EEFSEC: variants seen among roughly 807,000 people sequenced by gnomAD.
EEFSEC encodes the protein selenocysteine-specific elongation factor.
EEFSEC carries 43 observed loss-of-function variants against 42.1 expected under a neutral mutation model. The ratio of observed to expected loss-of-function variants is 1.02; its 90% confidence interval spans 0.80 to 1.32. The LOEUF (loss-of-function observed/expected upper bound fraction) is 1.32. EEFSEC is among the 40% of genes most tolerant of loss of function. EEFSEC has a pLI of 0.00. For missense variants in EEFSEC, 745 were observed against 803.6 expected (o/e 0.93, Z 0.88); for synonymous variants, 354 against 339.1 (o/e 1.04, Z -0.48).
At chr3:128,259,075 C>A (rs1026789023) in intron 2 of EEFSEC, among the ~76,000 whole-genome samples, 1 of 152,152 alleles carries the variant, frequency 6.6e-6, no homozygotes, top group African/African-American at 2.4e-5. Flanking sequence ...AGAATAATAC[C>A]CACCTTTCAG....
intron 6 of EEFSEC, among the ~76,000 whole-genome samples, chr3:128,394,708 A>G (rs115087477): frequency 0.018 from 2,689 of 152,214 alleles, 71 homozygotes; most frequent in African/African-American, 0.06. Flanking sequence ...TGCTCCCCCA[A>G]TGGCCAGCCT....
chr3:128,249,784 G>A (rs1302186534), intron 2 of EEFSEC, among the ~76,000 whole-genome samples: 1 of 152,106 alleles, frequency 6.6e-6, no homozygotes, highest in African/African-American at 2.4e-5. Flanking sequence ...TTTTGTGGTT[G>A]CATAGTGTTT....
chr3:128,380,013 G>A (rs1239472594), intron 6 of EEFSEC, among the ~76,000 whole-genome samples: 1 of 152,246 alleles, frequency 6.6e-6, no homozygotes, highest in African/African-American at 2.4e-5. Flanking sequence ...TTCTGAGGCT[G>A]GCATGTAAGG....
At chr3:128,416,179 G>A in the EEFSEC span, among the ~76,000 whole-genome samples, 28 of 152,124 alleles carry the variant, frequency 1.8e-4, no homozygotes, top group African/African-American at 6.8e-4. Flanking sequence ...TGGGGGAGGG[G>A]CCCACCGGAG....
chr3:128,420,646 A>G, the EEFSEC span, among the ~76,000 whole-genome samples: 5 of 151,766 alleles, frequency 3.3e-5, no homozygotes, highest in East Asian at 7.8e-4. Flanking sequence ...CCTGGGAAGG[A>G]CTCCCCAGTT....
At chr3:128,334,866 GGCA>G (rs894692718) in intron 4 of EEFSEC, among the ~76,000 whole-genome samples, 1 of 152,182 alleles carries the variant, frequency 6.6e-6, no homozygotes, top group Admixed American at 6.5e-5. Context: ...GGTGGTATAG[GGCA>G]GCAGCACCTC....
At chr3:128,210,099 G>A (rs1022308758) in intron 1 of EEFSEC, among the ~76,000 whole-genome samples, 2 of 152,108 alleles carry the variant, frequency 1.3e-5, no homozygotes, top group African/African-American at 2.4e-5. Flanking sequence ...CATTGTTTAA[G>A]AAAAAAAGAA....
At chr3:128,313,947 T>C (rs1482927428) in intron 4 of EEFSEC, among the ~76,000 whole-genome samples, 1 of 152,202 alleles carries the variant, frequency 6.6e-6, no homozygotes, top group African/African-American at 2.4e-5. Context: ...ATGTGGAAGC[T>C]TATGTATCTC....
At chr3:128,270,727 G>A (rs1393758899) in intron 4 of EEFSEC, among the ~76,000 whole-genome samples, 2 of 152,176 alleles carry the variant, frequency 1.3e-5, no homozygotes, top group African/African-American at 2.4e-5. Flanking sequence ...CTCCAGCAAC[G>A]CTGTGCACTC....
chr3:128,179,008 G>A (rs1385480296), intron 1 of EEFSEC, among the ~76,000 whole-genome samples: 3 of 152,190 alleles, frequency 2.0e-5, no homozygotes, highest in Non-Finnish European at 4.4e-5. Flanking sequence ...TTTTTTTACT[G>A]TGATTGTAGG....
intron 4 of EEFSEC, among the ~76,000 whole-genome samples, chr3:128,301,199 G>T (rs896528046): frequency 1.3e-5 from 2 of 152,298 alleles, no homozygotes. Context: ...GAAGCAGCCA[G>T]TGAAGCCGTG....
intron 4 of EEFSEC, among the ~76,000 whole-genome samples, chr3:128,329,000 G>A (rs2067095737): frequency 6.6e-6 from 1 of 152,170 alleles, no homozygotes; most frequent in Non-Finnish European, 1.5e-5. Context: ...GGATGACTGA[G>A]TCCCAGTGTG....
intron 1 of EEFSEC, among the ~76,000 whole-genome samples, chr3:128,205,867 C>T (rs1646180644): frequency 6.6e-6 from 1 of 152,182 alleles, no homozygotes; most frequent in Non-Finnish European, 1.5e-5. Flanking sequence ...TTCTTTAGTG[C>T]ATTACAATTA....
chr3:128,402,914 A>G (rs1455745764), intron 6 of EEFSEC, among the ~76,000 whole-genome samples: 1 of 152,240 alleles, frequency 6.6e-6, no homozygotes, highest in Non-Finnish European at 1.5e-5. Flanking sequence ...AACAGTGAAT[A>G]GACAAAACTC....
intron 4 of EEFSEC, among the ~76,000 whole-genome samples, chr3:128,295,596 T>A (rs2066696298): frequency 7.1e-6 from 1 of 141,028 alleles, no homozygotes; most frequent in Admixed American, 7.3e-5. Flanking sequence ...TGAGGCTCCT[T>A]TTTTTTTTTT....
intron 1 of EEFSEC, among the ~76,000 whole-genome samples, chr3:128,213,865 G>GGCAAGACTCTCCAAGAATGTCA (rs1430519330): frequency 3.9e-5 from 6 of 151,976 alleles, no homozygotes; most frequent in Non-Finnish European, 8.8e-5. Flanking sequence ...TAATAAACCA[G>GGCAAGACTCTCCAAGAATGTCA]GCAAGACTCT....
chr3:128,367,768 G>T (rs1216686056), intron 6 of EEFSEC: 1 of 985,316 alleles, frequency 1.0e-6, no homozygotes, highest in African/African-American at 1.7e-5. Context: ...CATATCACTG[G>T]CTCCATCAGC....
At chr3:128,277,483 C>A (rs530422918) in intron 4 of EEFSEC, among the ~76,000 whole-genome samples, 17 of 151,956 alleles carry the variant, frequency 1.1e-4, no homozygotes, top group Non-Finnish European at 2.1e-4. Flanking sequence ...TTTTTGTGTG[C>A]GTGTTTTAAA....
chr3:128,368,469 G>C (rs1172711081), intron 6 of EEFSEC, among the ~76,000 whole-genome samples: 2 of 150,806 alleles, frequency 1.3e-5, no homozygotes, highest in African/African-American at 4.9e-5. Flanking sequence ...AAAAAAAGAA[G>C]TACAGTCCAC....
Sources: gnomAD v4.1 joint callset for allele counts (sites outside exome capture counted in the v4.1 genomes callset) on GRCh38, gnomAD v4.1.1 for gene constraint, MANE v1.5 for transcripts, NCBI Gene and HGNC (gene_info 2026-07-23, HGNC 2026-07-21) for gene names.